WDR25: variants seen among roughly 807,000 people sequenced by gnomAD.
WDR25 encodes the protein WD repeat domain 25.
In WDR25, 35 loss-of-function variants were observed where a neutral mutation model predicts 47.7. The observed-to-expected ratio is 0.73, with a 90% CI of 0.56 to 0.97. WDR25 has a LOEUF of 0.97. WDR25 is among the 50% of genes least tolerant of loss of function. The pLI is 0.00. For missense variants in WDR25, 634 were observed against 704.7 expected, an observed-to-expected ratio of 0.90 and a Z score of 1.14; for synonymous variants, 248 against 278.9, an observed-to-expected ratio of 0.89 and a Z score of 1.10.
At chr14:100,454,421 A>G in intron 2 of WDR25, 5 of 1,287,230 alleles carry the variant, frequency 3.9e-6, no homozygotes, top group Non-Finnish European at 5.1e-6. Context: ...TTACTGCAAA[A>G]CAGATGCTTA....
intron 4 of WDR25, among the ~76,000 whole-genome samples, chr14:100,514,236 C>T (rs975862372): frequency 3.9e-5 from 6 of 152,074 alleles, no homozygotes; most frequent in Non-Finnish European, 8.8e-5. Flanking sequence ...GCGCCCGGCC[C>T]TTTTTTACTT....
chr14:100,434,152 G>T lies in WDR25; in HGVS notation c.823-33869G>T, dbSNP rs76899399. ...TGTGCTCATTGCTTCATTGCTACTG[G>T]GGGTCACTGCTTCTCAGAAGACAGA... On this transcript the variant is annotated intron_variant, in intron 2 of 6. Coordinates refer to ENST00000402312, the MANE Select transcript of WDR25 (RefSeq NM_001161476.3). Among the ~76,000 whole-genome samples the T allele has an allele frequency of 4.5e-3, 687 of 152,276 alleles. 4 individuals carry two copies. Among genetic ancestry groups the T allele is most frequent in the African/African-American group, 0.016 (669 of 41,560 alleles).
intron 2 of WDR25, among the ~76,000 whole-genome samples, chr14:100,446,682 T>C (rs1898844898): frequency 6.6e-6 from 1 of 151,954 alleles, no homozygotes; most frequent in African/African-American, 2.4e-5. Context: ...CTTAGAAATA[T>C]CAGAAGCCAC....
Position 100,468,655 on chromosome 14 carries a change from A to G in WDR25, c.970+487A>G, listed in dbSNP as rs1022406877. Among the ~76,000 whole-genome samples the G allele has an allele frequency of 6.6e-6, 1 of 152,096 alleles. No individual in the cohort carries two copies. The highest frequency in any genetic ancestry group is 6.5e-5 in the Admixed American group (1 of 15,270). ...GGGTAGGATGGATTCGTGCCGGGTAAATCCTGAGAGGGCTCTTGACAAGCA... is the reference window on the plus strand; with the variant it reads ...GGGTAGGATGGATTCGTGCCGGGTAGATCCTGAGAGGGCTCTTGACAAGCA... On this transcript the variant is annotated intron_variant, in intron 3 of 6. Coordinates refer to ENST00000402312, the MANE Select transcript of WDR25 (RefSeq NM_001161476.3). This position sits in a 1 kb window ranked among gnomAD's most constrained non-coding sequence, Gnocchi z 4.5.
chr14:100,401,393 G>A (rs887267566), intron 2 of WDR25, among the ~76,000 whole-genome samples: 1 of 152,188 alleles, frequency 6.6e-6, no homozygotes, highest in African/African-American at 2.4e-5. Flanking sequence ...TGTCCATTGA[G>A]GTCTGAGTGT....
chr14:100,477,935 C>T (rs955521192), intron 3 of WDR25, among the ~76,000 whole-genome samples: 41 of 151,834 alleles, frequency 2.7e-4, no homozygotes, highest in Non-Finnish European at 4.4e-4. Context: ...ACTAAAAATA[C>T]AAAAAAATTA....
chr14:100,464,900 T>C (rs1027648078), intron 2 of WDR25, among the ~76,000 whole-genome samples: 1 of 145,294 alleles, frequency 6.9e-6, no homozygotes, highest in African/African-American at 2.6e-5. Flanking sequence ...TCATTTCATC[T>C]CCTCTACCCG....
chr14:100,454,921 G>GT (rs528201850), intron 2 of WDR25: 260 of 151,222 alleles, frequency 1.7e-3, no homozygotes, highest in South Asian at 0.013. Context: ...TTAGCTGCGT[G>GT]TTTTTTTTTT....
chr14:100,413,648 C>T (rs550530649), intron 2 of WDR25, among the ~76,000 whole-genome samples: 2 of 152,158 alleles, frequency 1.3e-5, no homozygotes, highest in Admixed American at 6.5e-5. Context: ...CTCCTGACCT[C>T]GTGATCCACC....
intron 2 of WDR25, among the ~76,000 whole-genome samples, chr14:100,464,346 C>G (rs1285420810): frequency 6.6e-6 from 1 of 152,112 alleles, no homozygotes; most frequent in Admixed American, 6.5e-5. Flanking sequence ...CTTATAGAGC[C>G]CTTTCCTGGT....
chr14:100,421,814 G>GT (rs1276823111), intron 2 of WDR25, among the ~76,000 whole-genome samples: 2 of 152,042 alleles, frequency 1.3e-5, no homozygotes, highest in African/African-American at 4.8e-5. Flanking sequence ...ACACTCTGTG[G>GT]TTTTTTGCAA....
chr14:100,523,203 A>G lies in WDR25; in HGVS notation c.1102-2667A>G, dbSNP rs2029946126. Among the ~76,000 whole-genome samples, 1 of 152,136 alleles carries G rather than the reference A, an allele frequency of 6.6e-6. No homozygotes were observed. The highest frequency in any genetic ancestry group is 6.5e-5 in the Admixed American group (1 of 15,286). On this transcript the variant is annotated intron_variant, in intron 4 of 6. Coordinates refer to ENST00000402312, the MANE Select transcript of WDR25 (RefSeq NM_001161476.3). This position sits in a 1 kb window ranked among gnomAD's most constrained non-coding sequence, Gnocchi z 4.7. The stretch of plus-strand genomic sequence containing the variant: ...CACTTATCCAGCATCAATTTGACAC[A>G]CCTTACTGATGCCTGCAGGGGCAGA...
chr14:100,391,251 C>G (rs1168383787), intron 2 of WDR25, among the ~76,000 whole-genome samples: 2 of 152,114 alleles, frequency 1.3e-5, no homozygotes, highest in African/African-American at 4.8e-5. Context: ...CTATATTTGA[C>G]CTTCATCTAG....
intron 2 of WDR25, among the ~76,000 whole-genome samples, chr14:100,387,979 T>A (rs1011438752): frequency 6.6e-6 from 1 of 152,258 alleles, no homozygotes; most frequent in Non-Finnish European, 1.5e-5. Flanking sequence ...ATATCTTAGA[T>A]GTGCTTTGTA....
intron 4 of WDR25, among the ~76,000 whole-genome samples, chr14:100,490,929 A>T (rs1245701819): frequency 1.3e-5 from 2 of 152,244 alleles, no homozygotes; most frequent in Non-Finnish European, 2.9e-5. Context: ...CACAGTCCTG[A>T]CTAAGCTTTG....
At chr14:100,436,537 A>G (rs891106838) in intron 2 of WDR25, among the ~76,000 whole-genome samples, 3 of 152,158 alleles carry the variant, frequency 2.0e-5, no homozygotes, top group African/African-American at 7.2e-5. Context: ...TGTCATTCTA[A>G]CTTTCCTATA....
chr14:100,493,159 T>C (rs1362439863), intron 4 of WDR25, among the ~76,000 whole-genome samples: 1 of 152,224 alleles, frequency 6.6e-6, no homozygotes, highest in Non-Finnish European at 1.5e-5. Context: ...TTCTGTATTG[T>C]ACAACTCACT....
chr14:100,489,004 G>T (rs928196428), intron 4 of WDR25, among the ~76,000 whole-genome samples: 8 of 152,230 alleles, frequency 5.3e-5, no homozygotes, highest in African/African-American at 1.9e-4. Flanking sequence ...ATAGAGGCCT[G>T]CAGGAGCACC....
intron 3 of WDR25, among the ~76,000 whole-genome samples, chr14:100,478,481 G>A (rs891965063): frequency 6.6e-6 from 1 of 152,192 alleles, no homozygotes; most frequent in Non-Finnish European, 1.5e-5. Flanking sequence ...AGTCTTATTT[G>A]AGAACTTCTT....
Sources: gnomAD v4.1 joint callset for allele counts (sites outside exome capture counted in the v4.1 genomes callset) on GRCh38, gnomAD v4.1.1 for gene constraint, Gnocchi (gnomAD v3.1) non-coding constraint, MANE v1.5 for transcripts, NCBI Gene and HGNC (gene_info 2026-07-23, HGNC 2026-07-21) for gene names.